AIG1: variants seen among roughly 807,000 people sequenced by gnomAD.
AIG1 encodes the protein androgen induced 1, also known as androgen-induced gene 1 protein.
A neutral mutation model predicts 31.4 loss-of-function variants in AIG1; 23 were observed. The ratio of observed to expected loss-of-function variants is 0.73; its 90% CI spans 0.53 to 1.04. AIG1 has a LOEUF of 1.04. Ranked by LOEUF, AIG1 falls within the 50% of genes least tolerant of loss-of-function variation. AIG1 has a pLI of 0.00. For missense variants in AIG1, 274 were observed against 295.0 expected, an observed-to-expected ratio of 0.93 and a Z score of 0.52; for synonymous variants, 100 against 110.5, an observed-to-expected ratio of 0.90 and a Z score of 0.60.
At chr6:143,301,817 C>A (rs1798845057) in intron 4 of AIG1, among the ~76,000 whole-genome samples, 1 of 152,112 alleles carries the variant, frequency 6.6e-6, no homozygotes, top group African/African-American at 2.4e-5. Flanking sequence ...CAGACAGTAT[C>A]CAAATACTCA....
At chr6:143,158,125 G>C (rs1370613643) in intron 2 of AIG1, among the ~76,000 whole-genome samples, 1 of 152,092 alleles carries the variant, frequency 6.6e-6, no homozygotes, top group Non-Finnish European at 1.5e-5. Context: ...CTTTTGGATG[G>C]TGACATAAAG....
intron 1 of AIG1, among the ~76,000 whole-genome samples, chr6:143,119,456 G>A (rs1474127698): frequency 6.6e-6 from 1 of 152,214 alleles, no homozygotes; most frequent in Non-Finnish European, 1.5e-5. Context: ...AAAGTGCACA[G>A]GCAGGCAGCT....
intron 1 of AIG1, among the ~76,000 whole-genome samples, chr6:143,117,473 T>A (rs1300460420): frequency 6.6e-6 from 1 of 152,028 alleles, no homozygotes; most frequent in South Asian, 2.1e-4. Flanking sequence ...ATTAGCAGGG[T>A]TTAGAGCTGA....
chr6:143,131,049 A>C (rs1230040903), intron 1 of AIG1, among the ~76,000 whole-genome samples: 1 of 152,172 alleles, frequency 6.6e-6, no homozygotes, highest in East Asian at 1.9e-4. Context: ...CTTTTAACCA[A>C]CGTTACATTT....
rs1248757178 is a variant in AIG1, at chr6:143,164,936, T to A, written c.298-146T>A. On this transcript the variant is annotated intron_variant, in intron 2 of 5. Coordinates refer to ENST00000357847, the MANE Select transcript of AIG1 (RefSeq NM_016108.4). ...TGCTAATGGAATGAAGCTAGACCTG[T>A]GTTTCCAATCATTAGCTGGTTTACT... The A allele has an allele frequency of 4.9e-6, 3 of 606,948 alleles. No individual in the cohort carries two copies. The East Asian group carries it at 8.5e-5, about 17-fold the overall frequency. The allele number at this position is 606,948 out of a possible 1,614,324, so 37.6% of individuals were successfully genotyped here.
chr6:143,305,728 A>G (rs1799241419), intron 4 of AIG1, among the ~76,000 whole-genome samples: 1 of 152,060 alleles, frequency 6.6e-6, no homozygotes, highest in African/African-American at 2.4e-5. Flanking sequence ...AGTTCTGTAG[A>G]TGTCTATTAG....
chr6:143,061,272 T>A lies in AIG1; in HGVS notation c.141+206T>A, dbSNP rs112504121. 3,307 of 704,306 alleles carry A rather than the reference T, an allele frequency of 4.7e-3. 78 individuals are homozygous for A. In the African/African-American group the frequency reaches 0.051, roughly 11 times the overall value. The allele number at this position is 704,306 out of a possible 1,614,324, so 43.6% of individuals were successfully genotyped here. A position where few individuals can be genotyped will look rare whatever the true frequency, so the allele number is the denominator to read the frequency against. The stretch of plus-strand genomic sequence containing the variant: ...CGGCACCTTCTGAACCACTCACCGT[T>A]ACCTGGTAGCTGGGTACCCTTACCT... On this transcript the variant is annotated intron_variant, in intron 1 of 5. Transcript: ENST00000357847.
intron 3 of AIG1, among the ~76,000 whole-genome samples, chr6:143,253,865 C>T (rs767161409): frequency 6.6e-5 from 10 of 152,086 alleles, no homozygotes; most frequent in South Asian, 2.1e-4. Context: ...TTAGTAAAAA[C>T]GCCACCTCCT....
intron 1 of AIG1, among the ~76,000 whole-genome samples, chr6:143,078,908 C>T (rs973712721): frequency 6.6e-6 from 1 of 152,148 alleles, no homozygotes; most frequent in Non-Finnish European, 1.5e-5. Context: ...AGGCAACCAA[C>T]CAAGTTTCCT....
At chr6:143,281,081 T>C (rs1456387935) in intron 3 of AIG1, among the ~76,000 whole-genome samples, 1 of 152,174 alleles carries the variant, frequency 6.6e-6, no homozygotes, top group East Asian at 1.9e-4. Context: ...CTTCTACAGG[T>C]TTATTGATTC....
intron 4 of AIG1, among the ~76,000 whole-genome samples, chr6:143,314,093 A>G (rs1775527162): frequency 6.6e-6 from 1 of 150,658 alleles, no homozygotes; most frequent in Non-Finnish European, 1.5e-5. Flanking sequence ...TCACAACTAT[A>G]ATCCTTGCAC....
intron 3 of AIG1, among the ~76,000 whole-genome samples, chr6:143,257,757 G>T (rs1324080395): frequency 2.0e-5 from 3 of 152,156 alleles, no homozygotes. Context: ...CATCATTGTT[G>T]GGTCTTGGGT....
At chr6:143,262,803 G>A (rs9496547) in intron 3 of AIG1, among the ~76,000 whole-genome samples, 8,386 of 152,060 alleles carry the variant, frequency 0.055, 584 homozygotes, top group African/African-American at 0.16. Flanking sequence ...AAATCATTAG[G>A]GGGACCACAG....
intron 3 of AIG1, among the ~76,000 whole-genome samples, chr6:143,248,578 G>A (rs1473432277): frequency 1.3e-5 from 2 of 152,168 alleles, no homozygotes; most frequent in Non-Finnish European, 2.9e-5. Flanking sequence ...AGGGATCACT[G>A]ATGAAACCCA....
intron 2 of AIG1, among the ~76,000 whole-genome samples, chr6:143,144,408 A>G (rs1784546868): frequency 6.6e-6 from 1 of 152,196 alleles, no homozygotes; most frequent in South Asian, 2.1e-4. Flanking sequence ...CTATATCAAT[A>G]AGTAAATTAA....
chr6:143,315,687 C>T (rs1310224952), intron 4 of AIG1, among the ~76,000 whole-genome samples: 3 of 152,018 alleles, frequency 2.0e-5, no homozygotes, highest in Non-Finnish European at 4.4e-5. Context: ...GGATCATAGA[C>T]TTAAATGTAG....
intron 3 of AIG1, among the ~76,000 whole-genome samples, chr6:143,260,295 C>T (rs1296494007): frequency 1.3e-5 from 2 of 152,244 alleles, no homozygotes; most frequent in Non-Finnish European, 2.9e-5. Context: ...GCTGGGATTA[C>T]AGGCATGAGC....
intron 1 of AIG1, among the ~76,000 whole-genome samples, chr6:143,069,276 C>G (rs1013039154): frequency 2.6e-5 from 4 of 152,124 alleles, no homozygotes; most frequent in Non-Finnish European, 5.9e-5. Flanking sequence ...CTTGGCCTCC[C>G]GAAGTATTGG....
At chr6:143,218,520 G>C (rs183562761) in intron 3 of AIG1, among the ~76,000 whole-genome samples, 8 of 152,284 alleles carry the variant, frequency 5.3e-5, no homozygotes, top group African/African-American at 1.4e-4. Context: ...CCAACTTGCT[G>C]TCCCTGAAGC....
Sources: allele counts gnomAD v4.1 joint callset (sites outside exome capture counted in the v4.1 genomes callset), GRCh38; gene constraint gnomAD v4.1.1; transcripts MANE v1.5; gene names NCBI Gene and HGNC (gene_info 2026-07-23, HGNC 2026-07-21).